The following RNF220 variants were observed in gnomAD, a reference collection of about 807,000 sequenced individuals.
The protein encoded by RNF220 is ring finger protein 220, also known as E3 ubiquitin-protein ligase RNF220.
In RNF220, 7 loss-of-function variants were observed where a neutral mutation model predicts 67.1. The ratio of observed to expected loss-of-function variants is 0.10; its 90% CI spans 0.06 to 0.20. The LOEUF (loss-of-function observed/expected upper bound fraction) is 0.20, where lower values mean the gene tolerates loss of function less well. Ranked by LOEUF, RNF220 falls within the 10% of genes least tolerant of loss-of-function variation. The pLI, the probability that RNF220 is intolerant of heterozygous loss-of-function variation, is 1.00. For synonymous variants in RNF220, 270 were observed against 283.2 expected, an observed-to-expected ratio of 0.95 and a Z score of 0.47; for missense variants, 565 against 740.3, an observed-to-expected ratio of 0.76 and a Z score of 2.75.
chr1:44,549,094 C>T (rs528089204), intron 2 of RNF220, among the ~76,000 whole-genome samples: 87 of 152,136 alleles, frequency 5.7e-4, no homozygotes, highest in African/African-American at 2.0e-3. Context: ...GGCTGAGACA[C>T]GAGAATCACT....
intron 2 of RNF220, among the ~76,000 whole-genome samples, chr1:44,426,026 T>C (rs879480664): frequency 2.0e-5 from 3 of 152,212 alleles, no homozygotes; most frequent in Admixed American, 6.5e-5. Context: ...TGTAGACTTT[T>C]TGTGAATGTA....
intron 2 of RNF220, among the ~76,000 whole-genome samples, chr1:44,480,343 G>C: frequency 6.6e-6 from 1 of 152,276 alleles, no homozygotes; most frequent in East Asian, 1.9e-4. Flanking sequence ...GGACGTAAAG[G>C]CTGTGGTGAG....
At chr1:44,543,172 C>T (rs1426552893) in intron 2 of RNF220, among the ~76,000 whole-genome samples, 1 of 152,148 alleles carries the variant, frequency 6.6e-6, no homozygotes, top group Admixed American at 6.5e-5. Flanking sequence ...CATCCCCAGG[C>T]CTTCCTCTTT....
Position 44,497,648 on chromosome 1 carries a change from C to T in RNF220, c.625+84926C>T, listed in dbSNP as rs570212475. Among the ~76,000 whole-genome samples, 6 of 152,270 alleles carry T rather than the reference C, an allele frequency of 3.9e-5. No homozygotes were observed. The South Asian group carries it at 1.2e-3, about 32-fold the overall frequency. On this transcript the variant is annotated intron_variant, in intron 2 of 14. Coordinates refer to ENST00000361799, the MANE Select transcript of RNF220 (RefSeq NM_018150.4). ...GAGACAATCTGTCCAAACAGGTCTT[C>T]CTGTGTTAAGGTCAGACCTCGTGAG...
chr1:44,522,502 A>T (rs1486790957), intron 2 of RNF220, among the ~76,000 whole-genome samples: 1 of 152,176 alleles, frequency 6.6e-6, no homozygotes, highest in Non-Finnish European at 1.5e-5. Flanking sequence ...TGGTCACTTA[A>T]GGACTGGAGG....
chr1:44,595,013 G>C (rs1375880705), intron 2 of RNF220, among the ~76,000 whole-genome samples: 1 of 152,184 alleles, frequency 6.6e-6, no homozygotes, highest in Non-Finnish European at 1.5e-5. Context: ...CCACTATGGA[G>C]CCGTTTAGTT....
chr1:44,583,562 A>T (rs1470026393), intron 2 of RNF220, among the ~76,000 whole-genome samples: 1 of 152,222 alleles, frequency 6.6e-6, no homozygotes, highest in East Asian at 1.9e-4. Context: ...CTAATTTTTG[A>T]TTTAGAAAAT....
At chr1:44,547,308 T>TC (rs1662245394) in intron 2 of RNF220, among the ~76,000 whole-genome samples, 1 of 152,200 alleles carries the variant, frequency 6.6e-6, no homozygotes, top group Non-Finnish European at 1.5e-5. Context: ...ATTTAACCAC[T>TC]TCCATTCTCT....
intron 1 of RNF220, among the ~76,000 whole-genome samples, chr1:44,411,304 G>C (rs1647937125): frequency 6.6e-6 from 1 of 152,206 alleles, no homozygotes; most frequent in South Asian, 2.1e-4. Context: ...CATGTGATTA[G>C]AGAGAGGTGT....
intron 2 of RNF220, among the ~76,000 whole-genome samples, chr1:44,467,504 C>T (rs1654387372): frequency 6.6e-6 from 1 of 152,240 alleles, no homozygotes; most frequent in East Asian, 1.9e-4. Flanking sequence ...AGCCACCGCA[C>T]CTGGCTGCTT....
At chr1:44,628,825 TCTC>T (rs1409924342) in intron 5 of RNF220, among the ~76,000 whole-genome samples, 1 of 152,208 alleles carries the variant, frequency 6.6e-6, no homozygotes, top group Non-Finnish European at 1.5e-5. Flanking sequence ...CCAAATATCA[TCTC>T]CTCCAGGAAG....
Position 44,412,446 on chromosome 1 carries a change from G to A in RNF220, c.349G>A (p.Val117Met). 1.2e-6 allele frequency: 2 copies of A among 1,611,986 alleles called. No homozygotes were observed. Among genetic ancestry groups the A allele is most frequent in the Non-Finnish European group, 1.7e-6 (2 of 1,178,228 alleles). ...TPISMLNHSG[V>M]GAFRPFASTE... is the part of the protein sequence containing the mutation. The stretch of plus-strand genomic sequence containing the variant: ...AATCAGTATGCTGAATCATAGTGGT[G>A]TGGGGGCTTTCCGGCCCTTTGCCTC... Residue 117 changes from valine to methionine, a missense_variant, in exon 2 of 15, where the codon GTG becomes ATG. By Grantham distance (21) the Val-to-Met change is conservative. Coordinates refer to ENST00000361799, the MANE Select transcript of RNF220 (RefSeq NM_018150.4). The surrounding 1 kb of genome is among the most constrained non-coding windows in gnomAD (Gnocchi z 5.3).
chr1:44,456,249 C>T (rs922561801), intron 2 of RNF220, among the ~76,000 whole-genome samples: 5 of 152,070 alleles, frequency 3.3e-5, no homozygotes, highest in African/African-American at 1.2e-4. Context: ...TCCAATGTTC[C>T]TATTATGAAG....
intron 4 of RNF220, among the ~76,000 whole-genome samples, chr1:44,625,344 G>C (rs981022711): frequency 3.3e-5 from 5 of 152,244 alleles, no homozygotes; most frequent in African/African-American, 1.2e-4. Context: ...ACCAGCAGCT[G>C]TCCCTTCCCT....
At chr1:44,582,345 G>A (rs1056693098) in intron 2 of RNF220, among the ~76,000 whole-genome samples, 4 of 152,274 alleles carry the variant, frequency 2.6e-5, no homozygotes, top group South Asian at 4.2e-4. Flanking sequence ...TGTTCTTGCC[G>A]TCCAGTATTT....
At chr1:44,425,373 G>T (rs527886781) in intron 2 of RNF220, among the ~76,000 whole-genome samples, 1 of 151,638 alleles carries the variant, frequency 6.6e-6, no homozygotes. Flanking sequence ...GTCCCCTCAC[G>T]TAGTGCCTAG....
rs1402160856 is a variant in RNF220, at chr1:44,624,625, A to G, written c.805-1672A>G. Reference sequence around the variant, plus strand: ...CTTTAGGGAAGCAGGTCGTGAGTGGAAGAGGCGAGAGAGAGAAGGTTCAAG... The same window carrying G: ...CTTTAGGGAAGCAGGTCGTGAGTGGGAGAGGCGAGAGAGAGAAGGTTCAAG... On this transcript the variant is annotated intron_variant, in intron 4 of 14. Coordinates refer to ENST00000361799, the MANE Select transcript of RNF220 (RefSeq NM_018150.4). The surrounding 1 kb of genome is among the most constrained non-coding windows in gnomAD (Gnocchi z 4.2). 6.6e-6 allele frequency among the ~76,000 whole-genome samples: 1 copy of G among 152,046 alleles called. No individual in the cohort carries two copies. The highest frequency in any genetic ancestry group is 6.6e-5 in the Admixed American group (1 of 15,256).
intron 2 of RNF220, among the ~76,000 whole-genome samples, chr1:44,609,626 A>AG (rs1667520987): frequency 6.6e-6 from 1 of 152,130 alleles, no homozygotes; most frequent in South Asian, 2.1e-4. Context: ...TTCCCAACAG[A>AG]GGGGGGCAGC....
chr1:44,454,485 A>G (rs955163417), intron 2 of RNF220, among the ~76,000 whole-genome samples: 5 of 151,734 alleles, frequency 3.3e-5, no homozygotes, highest in African/African-American at 1.2e-4. Context: ...TTCTAATACT[A>G]TTTACCTGTG....
Sources: allele counts gnomAD v4.1 joint callset (sites outside exome capture counted in the v4.1 genomes callset), GRCh38; gene constraint gnomAD v4.1.1; non-coding constraint Gnocchi (gnomAD v3.1); transcripts MANE v1.5; gene names NCBI Gene and HGNC (gene_info 2026-07-23, HGNC 2026-07-21).